The following L3MBTL4 variants were observed in gnomAD, a reference collection of about 807,000 sequenced individuals.
The protein encoded by L3MBTL4 is lethal(3)malignant brain tumor-like protein 4.
Under a neutral mutation model 84.5 loss-of-function variants are expected in L3MBTL4, and 70 were observed. The observed-to-expected ratio is 0.83, with a 90% confidence interval of 0.68 to 1.01. L3MBTL4 has a LOEUF of 1.01. Ranked by LOEUF, L3MBTL4 falls within the 50% of genes least tolerant of loss-of-function variation. The pLI is 0.00. For synonymous variants in L3MBTL4, 274 were observed against 259.8 expected (o/e 1.05, Z -0.52); for missense variants, 715 against 754.8 (o/e 0.95, Z 0.62).
chr18:6,290,686 C>A (rs972626334), intron 4 of L3MBTL4, among the ~76,000 whole-genome samples: 1 of 152,056 alleles, frequency 6.6e-6, no homozygotes, highest in Non-Finnish European at 1.5e-5. Flanking sequence ...CACCACCATG[C>A]CCAGCTAATT....
At chr18:6,031,536 G>C in intron 16 of L3MBTL4, 1 of 976,068 alleles carries the variant, frequency 1.0e-6, no homozygotes, top group Non-Finnish European at 1.2e-6. Flanking sequence ...CAGGAATTTA[G>C]GCTCAGGTGG....
chr18:6,362,268 AAAAG>A lies in L3MBTL4; in HGVS notation c.-90-50216_-90-50213del, dbSNP rs199621603. Among the ~76,000 whole-genome samples the A allele has an allele frequency of 7.0e-3, 1,068 of 151,716 alleles. 13 individuals are homozygous for A. Among genetic ancestry groups the A allele is most frequent in the African/African-American group, 0.025 (1,035 of 41,266 alleles). ...AAGGAAAGGGAAAGGAAAGGAAAGGAAAAGAAGAAAAAGAAAGAAGAGAAAGAAA... is the reference window on the plus strand; with the variant it reads ...AAGGAAAGGGAAAGGAAAGGAAAGGAAAGAAAAAGAAAGAAGAGAAAGAAA... On this transcript the variant is annotated intron_variant, in intron 1 of 18. Transcript: ENST00000317931.
chr18:6,007,433 GTTGGAAAAA>G (rs2054540017), intron 16 of L3MBTL4, among the ~76,000 whole-genome samples: 1 of 151,976 alleles, frequency 6.6e-6, no homozygotes, highest in Non-Finnish European at 1.5e-5. Context: ...AATTTACCTT[GTTGGAAAAA>G]AATTCAAATG....
chr18:6,072,124 G>A (rs541048918), intron 16 of L3MBTL4, among the ~76,000 whole-genome samples: 4 of 152,142 alleles, frequency 2.6e-5, no homozygotes, highest in Admixed American at 6.5e-5. Flanking sequence ...ATATTCTAAT[G>A]TTCTAATTTT....
chr18:6,254,521 T>C (rs537257353), intron 5 of L3MBTL4, among the ~76,000 whole-genome samples: 107 of 150,552 alleles, frequency 7.1e-4, no homozygotes, highest in African/African-American at 2.5e-3. Context: ...AAGATGGCAG[T>C]GAAGGATGGC....
chr18:5,989,707 C>T (rs1445809991), intron 16 of L3MBTL4, among the ~76,000 whole-genome samples: 2 of 152,132 alleles, frequency 1.3e-5, no homozygotes, highest in Admixed American at 6.5e-5. Context: ...GCTGAGATTC[C>T]GCAGTTATTA....
intron 4 of L3MBTL4, among the ~76,000 whole-genome samples, chr18:6,284,106 TTTG>T (rs907931514): frequency 6.6e-6 from 1 of 152,202 alleles, no homozygotes; most frequent in African/African-American, 2.4e-5. Flanking sequence ...GGGGAAAATC[TTTG>T]TTGTTGTTGT....
intron 14 of L3MBTL4, among the ~76,000 whole-genome samples, chr18:6,115,784 A>C (rs1300972344): frequency 6.6e-6 from 1 of 152,212 alleles, no homozygotes; most frequent in Non-Finnish European, 1.5e-5. Flanking sequence ...AAGCATGGCC[A>C]CGAAGTCGTC....
chr18:6,408,008 A>G (rs1426686278), intron 1 of L3MBTL4, among the ~76,000 whole-genome samples: 5 of 152,190 alleles, frequency 3.3e-5, no homozygotes, highest in African/African-American at 1.2e-4. Flanking sequence ...CAGAGAGAGA[A>G]GATACCATCC....
chr18:6,157,377 C>CA (rs553250717), intron 13 of L3MBTL4, among the ~76,000 whole-genome samples: 185 of 152,216 alleles, frequency 1.2e-3, no homozygotes, highest in African/African-American at 4.4e-3. Flanking sequence ...CACATCTGGC[C>CA]AAAAAATTGC....
chr18:6,408,184 C>T (rs1215255804), intron 1 of L3MBTL4, among the ~76,000 whole-genome samples: 2 of 152,202 alleles, frequency 1.3e-5, no homozygotes, highest in African/African-American at 2.4e-5. Context: ...CCAGGATGTG[C>T]TCACAGTCTC....
chr18:6,169,557 T>C (rs1385525557), intron 13 of L3MBTL4, among the ~76,000 whole-genome samples: 1 of 151,660 alleles, frequency 6.6e-6, no homozygotes. Context: ...GAAACCATCA[T>C]TCTCAGCCAC....
intron 17 of L3MBTL4, among the ~76,000 whole-genome samples, chr18:5,968,619 T>G (rs1253444090): frequency 6.6e-6 from 1 of 151,638 alleles, no homozygotes; most frequent in African/African-American, 2.4e-5. Context: ...ATCGCTAGAG[T>G]CCAGGAGTTC....
intron 16 of L3MBTL4, among the ~76,000 whole-genome samples, chr18:6,008,663 C>T (rs1567977248): frequency 1.3e-5 from 2 of 152,306 alleles, no homozygotes; most frequent in Non-Finnish European, 1.5e-5. Flanking sequence ...CCACTTCCTA[C>T]TACCCTCATT....
At chr18:6,260,357 A>G (rs1328425594) in intron 5 of L3MBTL4, 1 of 152,138 alleles carries the variant, frequency 6.6e-6, no homozygotes. Flanking sequence ...TGTTTAATCT[A>G]TAGATTGCTT....
At chr18:6,268,153 C>A (rs1301854373) in intron 4 of L3MBTL4, among the ~76,000 whole-genome samples, 2 of 152,152 alleles carry the variant, frequency 1.3e-5, no homozygotes. Flanking sequence ...CACCTGTAAT[C>A]CCAGCATTTT....
intron 1 of L3MBTL4, among the ~76,000 whole-genome samples, chr18:6,362,894 A>G (rs1232169645): frequency 6.6e-6 from 1 of 152,220 alleles, no homozygotes; most frequent in African/African-American, 2.4e-5. Context: ...AAGGCTGGAG[A>G]AGGAAGTGTG....
At chr18:6,308,670 GAAC>G (rs1436427915) in intron 3 of L3MBTL4, among the ~76,000 whole-genome samples, 3 of 152,156 alleles carry the variant, frequency 2.0e-5, no homozygotes, top group Non-Finnish European at 2.9e-5. Context: ...GCAAGAAGCA[GAAC>G]AACGAGCAGA....
intron 11 of L3MBTL4, among the ~76,000 whole-genome samples, chr18:6,214,972 T>C (rs1188135566): frequency 6.6e-6 from 1 of 152,234 alleles, no homozygotes; most frequent in African/African-American, 2.4e-5. Flanking sequence ...TTTTATTATA[T>C]GGACATTTCC....
Sources: gnomAD v4.1 joint callset for allele counts (sites outside exome capture counted in the v4.1 genomes callset) on GRCh38, gnomAD v4.1.1 for gene constraint, MANE v1.5 for transcripts, NCBI Gene and HGNC (gene_info 2026-07-23, HGNC 2026-07-21) for gene names.